Variants in CTNNA3 observed in about 807,000 individuals in gnomAD.
CTNNA3 encodes the protein catenin alpha 3.
In CTNNA3, 76 loss-of-function variants were observed where a neutral mutation model predicts 95.7. The observed-to-expected ratio is 0.79, with a 90% CI of 0.66 to 0.96. The LOEUF (loss-of-function observed/expected upper bound fraction) is 0.96. CTNNA3 is among the 40% of genes least tolerant of loss of function. CTNNA3 has a pLI of 0.00. For synonymous variants in CTNNA3, 431 were observed against 374.4 expected (o/e 1.15, Z -1.74); for missense variants, 1,191 against 1,089.8 (o/e 1.09, Z -1.31).
At chr10:66,685,325 GTATATATATA>G (rs1564617459) in intron 9 of CTNNA3, among the ~76,000 whole-genome samples, 1 of 30,004 alleles carries the variant, frequency 3.3e-5, no homozygotes, top group African/African-American at 1.4e-4. Context: ...GTGTATGTGT[GTATATATATA>G]TATATATATA....
chr10:67,268,308 ATAAATTAAATTAAATTAAATTAAAT>A (rs200272425), intron 5 of CTNNA3, among the ~76,000 whole-genome samples: 1 of 126,932 alleles, frequency 7.9e-6, no homozygotes, highest in South Asian at 2.3e-4. Flanking sequence ...CTCTACAAAA[ATAAATTAAATTAAATTAAATTAAAT>A]TAAATTAAAT....
intron 10 of CTNNA3, among the ~76,000 whole-genome samples, chr10:66,582,422 T>G (rs1031755886): frequency 6.6e-6 from 1 of 151,822 alleles, no homozygotes; most frequent in East Asian, 1.9e-4. Context: ...GATTGAGTTT[T>G]TTATTTGATT....
intron 7 of CTNNA3, among the ~76,000 whole-genome samples, chr10:66,899,726 G>A (rs145651214): frequency 9.4e-4 from 143 of 152,150 alleles, no homozygotes; most frequent in African/African-American, 3.3e-3. Context: ...CAGGTACCAC[G>A]CCCATAGAGC....
At chr10:66,114,391 T>G (rs904434491) in intron 13 of CTNNA3, among the ~76,000 whole-genome samples, 1 of 151,858 alleles carries the variant, frequency 6.6e-6, no homozygotes, top group Non-Finnish European at 1.5e-5. Flanking sequence ...TGTGTGTATA[T>G]ATGTATATGT....
At chr10:67,399,381 T>C (rs1844835327) in intron 5 of CTNNA3, among the ~76,000 whole-genome samples, 8 of 152,154 alleles carry the variant, frequency 5.3e-5, no homozygotes, top group Admixed American at 5.2e-4. Context: ...GAATATACAA[T>C]TGTCACATTA....
chr10:66,845,644 G>A (rs563512109), intron 7 of CTNNA3, among the ~76,000 whole-genome samples: 77 of 134,890 alleles, frequency 5.7e-4, no homozygotes, highest in African/African-American at 2.0e-3. Context: ...GAGAGGTTGC[G>A]GTGAGCCGAG....
chr10:66,757,448 C>T (rs752099913), intron 9 of CTNNA3, among the ~76,000 whole-genome samples: 2 of 152,148 alleles, frequency 1.3e-5, no homozygotes, highest in South Asian at 2.1e-4. Flanking sequence ...AAATGGACTA[C>T]TTGTACTTTC....
At chr10:66,379,988 T>A (rs2132491149) in intron 11 of CTNNA3, among the ~76,000 whole-genome samples, 1 of 152,346 alleles carries the variant, frequency 6.6e-6, no homozygotes. Flanking sequence ...TGGTCAATGA[T>A]ATTTCTAACA....
intron 7 of CTNNA3, among the ~76,000 whole-genome samples, chr10:66,877,417 G>C (rs1037458187): frequency 6.6e-6 from 1 of 152,186 alleles, no homozygotes; most frequent in Non-Finnish European, 1.5e-5. Flanking sequence ...GAAGTGGACT[G>C]GGGCCAGGGA....
intron 5 of CTNNA3, among the ~76,000 whole-genome samples, chr10:67,227,776 A>G (rs139051132): frequency 0.012 from 1,880 of 152,296 alleles, 48 homozygotes; most frequent in African/African-American, 0.041. Context: ...ACTTTCTCCA[A>G]GACAGACTAT....
At position 66,763,339 on chromosome 10, in the gene CTNNA3, C is replaced by CAGAGAGAGAG. The variant is rs1435579566; in HGVS notation, c.1281+2924_1281+2925insCTCTCTCTCT. Among the ~76,000 whole-genome samples, 144 of 128,870 alleles carry CAGAGAGAGAG rather than the reference C, an allele frequency of 1.1e-3. No homozygotes were observed. The East Asian group carries it at 0.013, about 11-fold the overall frequency. The allele number at this position is 128,870 out of a possible 152,430, so 84.5% of individuals were successfully genotyped here. A position where few individuals can be genotyped will look rare whatever the true frequency, so the allele number is the denominator to read the frequency against. ...ACACACACACACACACACACACACA[C>CAGAGAGAGAG]ACAGAGAGAGAGAGGGAGAGAGAGA... On this transcript the variant is annotated intron_variant, in intron 9 of 17. Coordinates refer to ENST00000433211, the MANE Select transcript of CTNNA3 (RefSeq NM_013266.4).
At chr10:67,494,126 A>AC (rs1374504712) in intron 5 of CTNNA3, among the ~76,000 whole-genome samples, 1 of 152,194 alleles carries the variant, frequency 6.6e-6, no homozygotes, top group African/African-American at 2.4e-5. Flanking sequence ...AGATGCTGAA[A>AC]CCCAGCTATC....
chr10:67,252,862 T>G (rs1176901685), intron 5 of CTNNA3, among the ~76,000 whole-genome samples: 1 of 152,212 alleles, frequency 6.6e-6, no homozygotes, highest in African/African-American at 2.4e-5. Context: ...ATTTAATGCA[T>G]TTTCCATCTA....
chr10:67,720,580 T>G (rs1343781424), intron 1 of CTNNA3, among the ~76,000 whole-genome samples: 1 of 152,136 alleles, frequency 6.6e-6, no homozygotes, highest in African/African-American at 2.4e-5. Context: ...CATTTGCTTG[T>G]CTGTAAAGGA....
chr10:67,079,856 AAAAC>A (rs1856954875), intron 7 of CTNNA3, among the ~76,000 whole-genome samples: 1 of 124,184 alleles, frequency 8.1e-6, no homozygotes, highest in Admixed American at 8.5e-5. Flanking sequence ...TCAAAAAAAC[AAAAC>A]ACACACACAC....
intron 7 of CTNNA3, among the ~76,000 whole-genome samples, chr10:67,105,931 C>T (rs980295613): frequency 2.0e-5 from 3 of 152,184 alleles, no homozygotes; most frequent in African/African-American, 7.2e-5. Flanking sequence ...GTGATGGAAA[C>T]TTAAGTTCAG....
At chr10:66,444,637 C>A (rs1443878227) in intron 11 of CTNNA3, among the ~76,000 whole-genome samples, 2 of 152,064 alleles carry the variant, frequency 1.3e-5, no homozygotes, top group African/African-American at 4.8e-5. Context: ...GAGATTTTGT[C>A]ACCACCAGGC....
chr10:67,573,163 C>T (rs1842030677), intron 3 of CTNNA3, among the ~76,000 whole-genome samples: 1 of 152,106 alleles, frequency 6.6e-6, no homozygotes, highest in African/African-American at 2.4e-5. Flanking sequence ...ATGTGATTAT[C>T]ATGACATCAT....
intron 13 of CTNNA3, among the ~76,000 whole-genome samples, chr10:66,172,179 C>G (rs909610687): frequency 6.6e-6 from 1 of 151,888 alleles, no homozygotes; most frequent in African/African-American, 2.4e-5. Flanking sequence ...AGTATATGAC[C>G]AAATGAGAGA....
Sources: gnomAD v4.1 joint callset for allele counts (sites outside exome capture counted in the v4.1 genomes callset) on GRCh38, gnomAD v4.1.1 for gene constraint, MANE v1.5 for transcripts, NCBI Gene and HGNC (gene_info 2026-07-23, HGNC 2026-07-21) for gene names.